RBM33: variants seen among roughly 807,000 people sequenced by gnomAD.
RBM33 encodes RNA binding motif protein 33, also known as RNA-binding protein 33.
In RBM33, 28 loss-of-function variants were observed where a neutral mutation model predicts 132.6. The ratio of observed to expected loss-of-function variants is 0.21; its 90% CI spans 0.16 to 0.29. The LOEUF is 0.29. Among genes scored for constraint, RBM33 ranks in the 10% least tolerant of loss-of-function variants. The pLI, the probability that RBM33 is intolerant of heterozygous loss-of-function variation, is 1.00. For missense variants in RBM33, 1,291 were observed against 1,518.5 expected, an observed-to-expected ratio of 0.85 and a Z score of 2.49; for synonymous variants, 634 against 593.0, an observed-to-expected ratio of 1.07 and a Z score of -1.01.
chr7:155,673,762 ATGCGCG>A lies in RBM33; in HGVS notation c.171+848_171+853del, dbSNP rs1242079925. 7.8e-4 allele frequency among the ~76,000 whole-genome samples: 18 copies of A among 23,174 alleles called. 2 individuals carry two copies. The highest frequency in any genetic ancestry group is 4.9e-3 in the South Asian group (2 of 408). The allele number at this position is 23,174 out of a possible 152,430, so 15.2% of individuals were successfully genotyped here. ...CATACACACGTGTATATACGCGCGC[ATGCGCG>A]CACACACACACACACACACACACAC... On this transcript the variant is annotated intron_variant, in intron 3 of 17. Transcript: ENST00000401878.
At chr7:155,645,205 T>G (rs959009457) in intron 1 of RBM33, 8 of 359,810 alleles carry the variant, frequency 2.2e-5, no homozygotes, top group Non-Finnish European at 4.0e-5. Context: ...TGGCGGGCAT[T>G]AAGTGCCGAA....
At chr7:155,694,217 T>C (rs1336714480) in intron 5 of RBM33, among the ~76,000 whole-genome samples, 3 of 152,240 alleles carry the variant, frequency 2.0e-5, no homozygotes, top group Non-Finnish European at 4.4e-5. Context: ...ATTTAACTAA[T>C]GTTCTTCCTT....
At chr7:155,652,741 A>T (rs1258427803) in intron 1 of RBM33, among the ~76,000 whole-genome samples, 1 of 152,196 alleles carries the variant, frequency 6.6e-6, no homozygotes, top group African/African-American at 2.4e-5. Flanking sequence ...CGTTTTGCTC[A>T]GTTAATATTT....
At chr7:155,672,744 CAAAA>C (rs559042068) in intron 2 of RBM33, 119 bp from the exon 3 acceptor site, 46,729 of 348,472 alleles carry the variant, frequency 0.13, 26 homozygotes, top group South Asian at 0.18. Context: ...GGCTTTGTCT[CAAAA>C]AAAAAAAAAA....
chr7:155,759,522 A>G (rs958555112), intron 14 of RBM33, among the ~76,000 whole-genome samples: 3 of 144,450 alleles, frequency 2.1e-5, no homozygotes, highest in African/African-American at 5.2e-5. Flanking sequence ...GGTTCACGCC[A>G]TTCTCCTGCC....
chr7:155,703,086 T>C (rs898849188), intron 6 of RBM33, among the ~76,000 whole-genome samples: 2 of 152,148 alleles, frequency 1.3e-5, no homozygotes, highest in African/African-American at 4.8e-5. Flanking sequence ...CTGTTCATTG[T>C]CCCTCCACCC....
Position 155,738,386 on chromosome 7 carries a change from A to G in RBM33, c.1720A>G (p.Thr574Ala), listed in dbSNP as rs3735576. 0.22 allele frequency: 358,820 copies of G among 1,612,646 alleles called. 48,343 individuals are homozygous for G. The highest frequency in any genetic ancestry group is 0.64 in the African/African-American group (47,896 of 74,904). ...GPGQPFLPTH[T>A]QPNLQGPLHP... is the part of the protein sequence containing the mutation. ...AGGACAGCCGTTTCTGCCCACACAC[A>G]CACAGCCCAACCTGCAGGTAATGCA... Residue 574 changes from threonine (T) to alanine (A), a missense_variant, in exon 11 of 18, where the codon ACA (threonine) becomes GCA (alanine). By Grantham distance (58) the Thr-to-Ala change is moderately conservative. Around this residue, in one of 7 missense-constraint regions of RBM33, gnomAD observed 841 missense variants for 912.0 expected, o/e 0.92. Transcript: ENST00000401878.
At chr7:155,762,559 C>T (rs541654536) in intron 14 of RBM33, among the ~76,000 whole-genome samples, 37 of 152,340 alleles carry the variant, frequency 2.4e-4, no homozygotes, top group Admixed American at 1.8e-3. Context: ...TTTTTCATCT[C>T]ATCTTTTCTT....
chr7:155,682,001 A>G (rs912642849), intron 5 of RBM33, among the ~76,000 whole-genome samples: 1 of 151,590 alleles, frequency 6.6e-6, no homozygotes, highest in Non-Finnish European at 1.5e-5. Flanking sequence ...ACTCACTGCA[A>G]CCTCCACCTT....
chr7:155,718,504 T>A, intron 9 of RBM33, 61 bp downstream of exon 9: 1 of 1,386,132 alleles, frequency 7.2e-7, no homozygotes, highest in Non-Finnish European at 1.0e-6. Context: ...TAAGAAATAT[T>A]AATATAGCAA....
intron 9 of RBM33, among the ~76,000 whole-genome samples, chr7:155,727,921 GC>G (rs1563163429): frequency 6.8e-6 from 1 of 147,210 alleles, no homozygotes; most frequent in East Asian, 2.0e-4. Flanking sequence ...GTCCCACCAT[GC>G]CTGGCTAATT....
intron 14 of RBM33, among the ~76,000 whole-genome samples, chr7:155,755,131 A>G (rs976010505): frequency 6.6e-6 from 1 of 152,222 alleles, no homozygotes; most frequent in African/African-American, 2.4e-5. Context: ...AGTGAGCTTT[A>G]TAAAGATTAC....
At chr7:155,664,042 T>C (rs1020945668) in intron 1 of RBM33, among the ~76,000 whole-genome samples, 5 of 152,226 alleles carry the variant, frequency 3.3e-5, no homozygotes, top group African/African-American at 1.2e-4. Context: ...TCTAAAGGGC[T>C]CTGCTCTTAA....
chr7:155,718,555 A>G lies in RBM33; in HGVS notation c.1260+112A>G, dbSNP rs1585482535. On this transcript the variant is annotated intron_variant, in intron 9 of 17. Transcript: ENST00000401878. ...GCCAAATATAATTTTAAGGATTTGC[A>G]AATATTGACAATAATCTCTGCAATA... is the stretch of plus-strand genomic sequence containing the variant. 4.7e-6 allele frequency: 4 copies of G among 847,902 alleles called. No individual in the cohort carries two copies. In the East Asian group the frequency reaches 1.0e-4, roughly 21 times the overall value. The allele number at this position is 847,902 out of a possible 1,614,324, so 52.5% of individuals were successfully genotyped here. A position where few individuals can be genotyped will look rare whatever the true frequency, so the allele number is the denominator to read the frequency against.
chr7:155,672,254 T>C lies in RBM33; in HGVS notation c.123-613T>C, dbSNP rs377022290. 5.6e-4 allele frequency among the ~76,000 whole-genome samples: 85 copies of C among 152,284 alleles called. 1 individual carries two copies. The highest frequency in any genetic ancestry group is 2.0e-3 in the African/African-American group (83 of 41,556). ...GAAAGCTTAGATATGACTTACTATATTACAGTTTCTGCTTTTACTGATTAT... is the reference window on the plus strand; with the variant it reads ...GAAAGCTTAGATATGACTTACTATACTACAGTTTCTGCTTTTACTGATTAT... On this transcript the variant is annotated intron_variant, in intron 2 of 17. Transcript: ENST00000401878.
Position 155,763,859 on chromosome 7 carries a change from G to T in RBM33, c.3027G>T (p.Arg1009=), listed in dbSNP as rs1802120742. ...TTCACCCAGAAGGCCAGCCCCAGCG[G>T]CTTCCCCAGCCTCCGGAAGTGGGAC... The part of the protein sequence containing the change: ...GFFHPEGQPQ[R]LPQPPEVGPQ... Residue 1009 remains arginine, a synonymous_variant, in exon 15 of 18, where the codon CGG becomes CGT. Transcript: ENST00000401878. 6.8e-6 allele frequency: 11 copies of T among 1,612,058 alleles called. No individual in the cohort carries two copies. Among genetic ancestry groups the T allele is most frequent in the Non-Finnish European group, 9.3e-6 (11 of 1,179,136 alleles).
In RBM33 at chr7:155,775,080, C is replaced by A; in HGVS notation, c.*39C>A. The A allele has an allele frequency of 6.3e-7, 1 of 1,578,594 alleles. No homozygotes were observed. The highest frequency in any genetic ancestry group is 8.7e-7 in the Non-Finnish European group (1 of 1,147,588). On this transcript the variant is annotated 3_prime_UTR_variant, in exon 18 of 18. Transcript: ENST00000401878. The stretch of plus-strand genomic sequence containing the variant: ...AGCCTGACCTTAGGCTGTACACACA[C>A]TGTGGAATTTCTTCAAGGGAGCTGC...
chr7:155,650,910 T>C (rs1194705757), intron 1 of RBM33, among the ~76,000 whole-genome samples: 1 of 152,202 alleles, frequency 6.6e-6, no homozygotes, highest in African/African-American at 2.4e-5. Flanking sequence ...ACTCTCGCTC[T>C]ATCGCCCAGG....
In RBM33 at chr7:155,774,662, C is replaced by T. The variant is rs1268001087; in HGVS notation, c.3464+15C>T. On this transcript the variant is annotated intron_variant, in intron 17 of 17. Coordinates refer to ENST00000401878, the MANE Select transcript of RBM33 (RefSeq NM_053043.3). The surrounding 1 kb of genome is among the most constrained non-coding windows in gnomAD (Gnocchi z 4.2). Reference sequence around the variant, plus strand: ...AAATTCCACAGGTGACCAGTGTGTTCTGTGCTTGTGGTGATAAGGGGGCGG... The same window carrying T: ...AAATTCCACAGGTGACCAGTGTGTTTTGTGCTTGTGGTGATAAGGGGGCGG... The T allele has an allele frequency of 3.7e-6, 6 of 1,608,190 alleles. No homozygotes were observed. The highest frequency in any genetic ancestry group is 1.7e-5 in the Admixed American group (1 of 60,012).
Sources: allele counts gnomAD v4.1 joint callset (sites outside exome capture counted in the v4.1 genomes callset), GRCh38; gene constraint gnomAD v4.1.1; regional missense constraint gnomAD v4.1.1; non-coding constraint Gnocchi (gnomAD v3.1); transcripts MANE v1.5; gene names NCBI Gene and HGNC (gene_info 2026-07-23, HGNC 2026-07-21).